The following LCORL variants were observed in gnomAD, a reference collection of about 807,000 sequenced individuals.
The protein encoded by LCORL is ligand-dependent nuclear receptor corepressor-like protein.
In LCORL, 41 loss-of-function variants were observed where a neutral mutation model predicts 141.8. The ratio of observed to expected loss-of-function variants is 0.29; its 90% CI spans 0.23 to 0.38. The LOEUF is 0.38. Ranked by LOEUF, LCORL falls within the 10% of genes least tolerant of loss-of-function variation. The pLI is 1.00. For missense variants in LCORL, 1,759 were observed against 2,035.0 expected, an observed-to-expected ratio of 0.86 and a Z score of 2.61; for synonymous variants, 618 against 694.1, an observed-to-expected ratio of 0.89 and a Z score of 1.72.
intron 7 of LCORL, among the ~76,000 whole-genome samples, chr4:17,871,585 T>C (rs1726336752): frequency 6.6e-6 from 1 of 152,010 alleles, no homozygotes; most frequent in Non-Finnish European, 1.5e-5. Context: ...AATGAATTAA[T>C]GCATTTACTT....
chr4:17,877,434 T>C (rs1037543987), exon 7 of LCORL: 3 of 1,228,948 alleles, frequency 2.4e-6, no homozygotes, highest in Non-Finnish European at 3.0e-6. Flanking sequence ...ACCTTTTTCA[T>C]GATTTGTAGT....
intron 6 of LCORL, chr4:17,883,175 T>C (rs1330087831): frequency 4.1e-6 from 4 of 981,358 alleles, no homozygotes; most frequent in Non-Finnish European, 4.8e-6. Context: ...TTGTATTTCA[T>C]AGAATGCACT....
At chr4:17,904,735 C>A (rs1030797137) in intron 5 of LCORL, among the ~76,000 whole-genome samples, 3 of 152,082 alleles carry the variant, frequency 2.0e-5, no homozygotes, top group African/African-American at 7.2e-5. Context: ...ACTGATCTGT[C>A]CTACTTATTT....
chr4:17,884,592 C>A lies in LCORL; in HGVS notation c.776+1476G>T. 6.5e-7 allele frequency: 1 copy of A among 1,545,514 alleles called. No homozygotes were observed. Among genetic ancestry groups the A allele is most frequent in the Non-Finnish European group, 8.7e-7 (1 of 1,144,926 alleles). Reference sequence around the variant, plus strand: ...GCAGGCTTCCCTGCTGGTAAGGCTTCTAAGTGAAGAAGTAAAGTTTTTTGA... The same window carrying A: ...GCAGGCTTCCCTGCTGGTAAGGCTTATAAGTGAAGAAGTAAAGTTTTTTGA... On this transcript the variant is annotated intron_variant, in intron 6 of 7. Transcript: ENST00000635767. This position sits in a 1 kb window ranked among gnomAD's most constrained non-coding sequence, Gnocchi z 4.4.
exon 7 of LCORL, chr4:17,876,652 C>G: frequency 1.6e-6 from 2 of 1,230,792 alleles, no homozygotes; most frequent in Non-Finnish European, 2.0e-6. Context: ...GAATACCACC[C>G]TGGAGGCACA....
At chr4:17,944,062 C>T (rs138306423) in intron 4 of LCORL, among the ~76,000 whole-genome samples, 9 of 152,292 alleles carry the variant, frequency 5.9e-5, no homozygotes, top group South Asian at 2.1e-4. Flanking sequence ...ATTCATGCCA[C>T]TGTCCATAGT....
At chr4:17,900,134 T>G (rs1221561282) in intron 5 of LCORL, among the ~76,000 whole-genome samples, 1 of 152,162 alleles carries the variant, frequency 6.6e-6, no homozygotes, top group Admixed American at 6.5e-5. Flanking sequence ...GTTAGTCAAG[T>G]GACATTTTAG....
chr4:17,854,302 G>A (rs1285777890), intron 7 of LCORL, among the ~76,000 whole-genome samples: 2 of 152,142 alleles, frequency 1.3e-5, no homozygotes, highest in African/African-American at 2.4e-5. Flanking sequence ...AGAATAGAAT[G>A]CACATAAAAT....
At chr4:17,955,994 T>C (rs1392616937) in intron 4 of LCORL, among the ~76,000 whole-genome samples, 2 of 151,872 alleles carry the variant, frequency 1.3e-5, no homozygotes, top group Admixed American at 6.6e-5. Flanking sequence ...AGTGGGCAAA[T>C]GACCTGAATA....
At chr4:17,909,827 A>T (rs16896011) in intron 4 of LCORL, among the ~76,000 whole-genome samples, 11,290 of 152,140 alleles carry the variant, frequency 0.074, 950 homozygotes, top group African/African-American at 0.21. Context: ...TTCATATATA[A>T]CCTGAATTTC....
chr4:17,909,202 C>T, exon 5 of LCORL: 7 of 1,613,596 alleles, frequency 4.3e-6, no homozygotes, highest in Non-Finnish European at 5.1e-6. Context: ...CTTTTACATA[C>T]TATACTTGGT....
At chr4:17,916,410 C>T (rs1394339183) in intron 4 of LCORL, among the ~76,000 whole-genome samples, 1 of 152,148 alleles carries the variant, frequency 6.6e-6, no homozygotes, top group Non-Finnish European at 1.5e-5. Flanking sequence ...GACTTAGCCC[C>T]ATCCCCTTGC....
intron 2 of LCORL, among the ~76,000 whole-genome samples, chr4:17,965,642 T>C (rs57288334): frequency 0.019 from 2,885 of 152,220 alleles, 104 homozygotes; most frequent in African/African-American, 0.066. Flanking sequence ...TTTTATCTAA[T>C]CCAGATTTTG....
intron 1 of LCORL, among the ~76,000 whole-genome samples, chr4:18,014,094 C>T (rs1425014812): frequency 6.6e-6 from 1 of 152,026 alleles, no homozygotes; most frequent in African/African-American, 2.4e-5. Flanking sequence ...AGGGATGGGC[C>T]ACCGTGCCCG....
At chr4:17,949,731 C>G (rs756429454) in intron 4 of LCORL, among the ~76,000 whole-genome samples, 7 of 152,070 alleles carry the variant, frequency 4.6e-5, no homozygotes, top group Admixed American at 1.3e-4. Flanking sequence ...TCTGTTATAA[C>G]AAACAATCAC....
At chr4:17,982,062 T>C (rs890064317) in intron 1 of LCORL, among the ~76,000 whole-genome samples, 2 of 151,412 alleles carry the variant, frequency 1.3e-5, no homozygotes, top group African/African-American at 4.9e-5. Flanking sequence ...GCAAAGGACA[T>C]GAGCTTGTTC....
chr4:17,904,303 T>C (rs1175558831), intron 5 of LCORL, among the ~76,000 whole-genome samples: 1 of 152,138 alleles, frequency 6.6e-6, no homozygotes, highest in Non-Finnish European at 1.5e-5. Flanking sequence ...TTATCAGTTG[T>C]CTGTCTCACT....
At chr4:17,908,204 G>C (rs1002117229) in intron 5 of LCORL, among the ~76,000 whole-genome samples, 1 of 150,322 alleles carries the variant, frequency 6.7e-6, no homozygotes, top group African/African-American at 2.5e-5. Context: ...GGCTAATTTT[G>C]TATTTTTAGT....
chr4:17,873,848 T>C (rs773898217), exon 7 of LCORL: 9 of 1,233,920 alleles, frequency 7.3e-6, no homozygotes, highest in Non-Finnish European at 9.1e-6. Context: ...TATTAGGACA[T>C]ACATTTTCTA....
Sources: gnomAD v4.1 joint callset for allele counts (sites outside exome capture counted in the v4.1 genomes callset) on GRCh38, gnomAD v4.1.1 for gene constraint, Gnocchi (gnomAD v3.1) non-coding constraint, MANE v1.5 for transcripts, NCBI Gene and HGNC (gene_info 2026-07-23, HGNC 2026-07-21) for gene names.